MECOM: variants seen among roughly 807,000 people sequenced by gnomAD.
MECOM encodes the protein histone-lysine N-methyltransferase MECOM.
Under a neutral mutation model 116.3 loss-of-function variants are expected in MECOM, and 13 were observed. The observed-to-expected ratio is 0.11, with a 90% CI of 0.07 to 0.18. MECOM has a LOEUF of 0.18. Among genes scored for constraint, MECOM ranks in the 10% least tolerant of loss-of-function variants. MECOM has a pLI of 1.00. For missense variants in MECOM, 1,299 were observed against 1,509.0 expected, an observed-to-expected ratio of 0.86 and a Z score of 2.31; for synonymous variants, 528 against 535.2, an observed-to-expected ratio of 0.99 and a Z score of 0.19.
At chr3:169,158,443 A>G (rs1295798656) in intron 2 of MECOM, among the ~76,000 whole-genome samples, 1 of 152,212 alleles carries the variant, frequency 6.6e-6, no homozygotes, top group Non-Finnish European at 1.5e-5. Flanking sequence ...AGAATGAATG[A>G]GCCTTTACCC....
intron 2 of MECOM, among the ~76,000 whole-genome samples, chr3:169,250,321 G>A (rs1284793474): frequency 6.6e-6 from 1 of 152,166 alleles, no homozygotes; most frequent in Non-Finnish European, 1.5e-5. Flanking sequence ...TGTAGCCCAA[G>A]GCACTGGTTA....
chr3:169,405,474 G>C (rs1415862598), intron 1 of MECOM, among the ~76,000 whole-genome samples: 1 of 152,188 alleles, frequency 6.6e-6, no homozygotes, highest in African/African-American at 2.4e-5. Flanking sequence ...GACTTACTGA[G>C]ATGTTTTTTT....
chr3:169,515,319 G>T (rs549174802), intron 1 of MECOM, among the ~76,000 whole-genome samples: 3 of 152,158 alleles, frequency 2.0e-5, no homozygotes, highest in Admixed American at 6.5e-5. Flanking sequence ...ATGTTTCTGA[G>T]CAACTTGGAG....
chr3:169,195,180 A>T (rs1442294732), intron 2 of MECOM, among the ~76,000 whole-genome samples: 1 of 152,086 alleles, frequency 6.6e-6, no homozygotes, highest in East Asian at 1.9e-4. Flanking sequence ...CTAATCCCGG[A>T]TCACACCTCT....
At chr3:169,655,683 C>T (rs973340947) in intron 1 of MECOM, among the ~76,000 whole-genome samples, 1 of 152,150 alleles carries the variant, frequency 6.6e-6, no homozygotes, top group Non-Finnish European at 1.5e-5. Context: ...GACTTCCCTT[C>T]ATTCTGAGGG....
chr3:169,581,972 T>C (rs576871911), intron 1 of MECOM, among the ~76,000 whole-genome samples: 1 of 152,360 alleles, frequency 6.6e-6, no homozygotes, highest in South Asian at 2.1e-4. Context: ...TTCTGTTTTC[T>C]AAATGAGTCA....
chr3:169,321,692 A>AG (rs144225868), intron 2 of MECOM, among the ~76,000 whole-genome samples: 7,900 of 151,654 alleles, frequency 0.052, 687 homozygotes, highest in African/African-American at 0.18. Flanking sequence ...TTGTGGAGGG[A>AG]GGGTGGGACA....
At chr3:169,630,492 C>T (rs927976660) in intron 1 of MECOM, among the ~76,000 whole-genome samples, 1 of 150,618 alleles carries the variant, frequency 6.6e-6, no homozygotes, top group African/African-American at 2.4e-5. Flanking sequence ...CACTCTTGTT[C>T]CCCAGGCTGA....
intron 2 of MECOM, among the ~76,000 whole-genome samples, chr3:169,203,952 A>G (rs1424531083): frequency 6.6e-6 from 1 of 152,210 alleles, no homozygotes; most frequent in Non-Finnish European, 1.5e-5. Context: ...TGTGAAGAAG[A>G]ATGGGTTGAT....
chr3:169,392,772 A>G (rs935298887), intron 1 of MECOM, among the ~76,000 whole-genome samples: 1 of 152,176 alleles, frequency 6.6e-6, no homozygotes, highest in Non-Finnish European at 1.5e-5. Context: ...CTAGAACTAT[A>G]TATGTACTAC....
chr3:169,427,642 C>T (rs1740946747), intron 1 of MECOM, among the ~76,000 whole-genome samples: 1 of 152,154 alleles, frequency 6.6e-6, no homozygotes, highest in South Asian at 2.1e-4. Context: ...TTTTTTGCAG[C>T]AATCTCTTGT....
intron 2 of MECOM, among the ~76,000 whole-genome samples, chr3:169,280,542 A>C (rs1042345838): frequency 6.6e-6 from 1 of 152,176 alleles, no homozygotes. Flanking sequence ...CAAGCACACT[A>C]TATTGGAAAA....
Position 169,287,769 on chromosome 3 carries a change from G to A in MECOM, c.375+93418C>T, listed in dbSNP as rs145300116. Among the ~76,000 whole-genome samples the A allele has an allele frequency of 1.3e-4, 20 of 152,278 alleles. No individual in the cohort carries two copies. In the East Asian group the frequency reaches 3.7e-3, roughly 28 times the overall value. On this transcript the variant is annotated intron_variant, in intron 2 of 16. Transcript: ENST00000651503. Reference sequence around the variant, plus strand: ...ATATGCTTTGGTTTATGCAGGAAGAGCAAGAACATATTAGAGATACCTACT... The same window carrying A: ...ATATGCTTTGGTTTATGCAGGAAGAACAAGAACATATTAGAGATACCTACT...
chr3:169,141,978 G>A (rs1032939629), intron 3 of MECOM, among the ~76,000 whole-genome samples: 16 of 151,882 alleles, frequency 1.1e-4, no homozygotes, highest in African/African-American at 3.9e-4. Context: ...TATTCATTAA[G>A]TCATAAAACT....
chr3:169,595,649 T>C (rs992258986), intron 1 of MECOM, among the ~76,000 whole-genome samples: 3 of 152,214 alleles, frequency 2.0e-5, no homozygotes, highest in Admixed American at 2.0e-4. Context: ...GGGGTTGTCA[T>C]AAATGCTTTT....
chr3:169,422,048 G>A lies in MECOM; in HGVS notation c.38-40524C>T, dbSNP rs74901261. On this transcript the variant is annotated intron_variant, in intron 1 of 16. Transcript: ENST00000651503. ...TATATTTCATAAACAAATAACAATT[G>A]TAAGTTTTATTTTTGCTCTTTTTAT... Among the ~76,000 whole-genome samples the A allele has an allele frequency of 1.7e-3, 260 of 152,146 alleles. 4 individuals are homozygous for A. Among genetic ancestry groups the A allele is most frequent in the African/African-American group, 5.2e-3 (215 of 41,546 alleles).
rs775599548 is a variant in MECOM at position 169,084,875 on chromosome 3, G to A, written c.*34C>T. ...TATATGAAAGAGCCATGCTACTGTT[G>A]GACTTGGTCCCACTCTGGTCAACCT... On this transcript the variant is annotated 3_prime_UTR_variant, in exon 17 of 17. Coordinates refer to ENST00000651503, the MANE Select transcript of MECOM (RefSeq NM_004991.4). The A allele has an allele frequency of 5.0e-6, 8 of 1,613,192 alleles. No individual in the cohort carries two copies. The Admixed American group carries it at 8.3e-5, about 17-fold the overall frequency.
In MECOM at chr3:169,213,714, T is replaced by C. The variant is rs1450582747; in HGVS notation, c.376-69882A>G. 2.0e-5 allele frequency among the ~76,000 whole-genome samples: 3 copies of C among 152,318 alleles called. No homozygotes were observed. The East Asian group carries it at 5.8e-4, about 29-fold the overall frequency. ...TTATGTTTTGGTACTCTTTAAAGAC[T>C]GACCTGACTTTATGAATATTTTACC... On this transcript the variant is annotated intron_variant, in intron 2 of 16. Coordinates refer to ENST00000651503, the MANE Select transcript of MECOM (RefSeq NM_004991.4).
At chr3:169,628,327 A>T (rs369740379) in intron 1 of MECOM, among the ~76,000 whole-genome samples, 1 of 152,270 alleles carries the variant, frequency 6.6e-6, no homozygotes, top group East Asian at 1.9e-4. Flanking sequence ...GGAGAGGCCT[A>T]TAAAAGAAAA....
Sources: allele counts gnomAD v4.1 joint callset (sites outside exome capture counted in the v4.1 genomes callset), GRCh38; gene constraint gnomAD v4.1.1; transcripts MANE v1.5; gene names NCBI Gene and HGNC (gene_info 2026-07-23, HGNC 2026-07-21).